Variants in SLC25A13 observed in about 807,000 individuals in gnomAD.
SLC25A13 encodes the protein solute carrier family 25 member 13, also known as electrogenic aspartate/glutamate antiporter SLC25A13, mitochondrial.
In SLC25A13, 70 loss-of-function variants were observed where a neutral mutation model predicts 85.5. The observed-to-expected ratio is 0.82, with a 90% CI of 0.68 to 1.00. The LOEUF (loss-of-function observed/expected upper bound fraction) is 1.00, where lower values mean the gene tolerates loss of function less well. SLC25A13 is among the 50% of genes least tolerant of loss of function. The pLI is 0.00. For missense variants in SLC25A13, 765 were observed against 819.8 expected (o/e 0.93, Z 0.82); for synonymous variants, 259 against 288.7 (o/e 0.90, Z 1.04).
intron 2 of SLC25A13, among the ~76,000 whole-genome samples, chr7:96,284,830 T>G (rs557419416): frequency 5.6e-4 from 85 of 152,356 alleles, no homozygotes; most frequent in Non-Finnish European, 9.7e-4. Flanking sequence ...CATGTGGAAC[T>G]GTGAGTCAAT....
chr7:96,169,643 C>A (rs898663304), intron 13 of SLC25A13, among the ~76,000 whole-genome samples: 2 of 152,150 alleles, frequency 1.3e-5, no homozygotes, highest in African/African-American at 4.8e-5. Context: ...CAAAGCCAAG[C>A]AGAGAGCTAC....
intron 14 of SLC25A13, among the ~76,000 whole-genome samples, chr7:96,139,762 T>A (rs1458960042): frequency 6.6e-6 from 1 of 152,192 alleles, no homozygotes; most frequent in Non-Finnish European, 1.5e-5. Context: ...TAATATAATG[T>A]CTTCCAGACT....
In SLC25A13 at chr7:96,171,610, T is replaced by TA. The variant is rs1174050163; in HGVS notation, c.1178-87dup. ...CAGTTCTACAGAGGGGATTACCACT[T>TA]AAAAACTGCTTAATCTCTGCTGCAA... On this transcript the variant is annotated intron_variant, in intron 11 of 17. Coordinates refer to ENST00000265631, the MANE Select transcript of SLC25A13 (RefSeq NM_014251.3). The TA allele has an allele frequency of 1.1e-5, 13 of 1,133,150 alleles. No homozygotes were observed. The Admixed American group carries it at 2.0e-4, about 18-fold the overall frequency. The allele number at this position is 1,133,150 out of a possible 1,614,324, so 70.2% of individuals were successfully genotyped here. A position where few individuals can be genotyped will look rare whatever the true frequency, so the allele number is the denominator to read the frequency against.
At chr7:96,280,545 A>G (rs912226874) in intron 2 of SLC25A13, among the ~76,000 whole-genome samples, 1 of 152,046 alleles carries the variant, frequency 6.6e-6, no homozygotes, top group Non-Finnish European at 1.5e-5. Context: ...GCGGAACTCC[A>G]TCTCTACAAA....
At chr7:96,238,453 AAACT>A (rs146116818) in intron 3 of SLC25A13, among the ~76,000 whole-genome samples, 1,929 of 152,026 alleles carry the variant, frequency 0.013, 42 homozygotes, top group African/African-American at 0.045. Flanking sequence ...CAGCCTGAGG[AAACT>A]AATATAGAGG....
At chr7:96,319,795 G>A (rs775857348) in intron 1 of SLC25A13, among the ~76,000 whole-genome samples, 1 of 151,984 alleles carries the variant, frequency 6.6e-6, no homozygotes, top group Non-Finnish European at 1.5e-5. Flanking sequence ...TATGATGTGA[G>A]CCATCAGATA....
chr7:96,256,278 T>A (rs1289710873), intron 3 of SLC25A13, among the ~76,000 whole-genome samples: 1 of 151,912 alleles, frequency 6.6e-6, no homozygotes, highest in East Asian at 1.9e-4. Context: ...GACTGGCAAA[T>A]GGGATAAAGA....
chr7:96,250,782 G>A (rs906798494), intron 3 of SLC25A13, among the ~76,000 whole-genome samples: 1 of 146,606 alleles, frequency 6.8e-6, no homozygotes, highest in African/African-American at 2.5e-5. Context: ...CAGTGGTCCT[G>A]GGAGAAAAAT....
At chr7:96,301,484 A>T (rs2117004918) in intron 1 of SLC25A13, among the ~76,000 whole-genome samples, 1 of 152,322 alleles carries the variant, frequency 6.6e-6, no homozygotes, top group East Asian at 1.9e-4. Flanking sequence ...GTTTTCAAAC[A>T]TACAGAGTAA....
rs145910102 is a variant in SLC25A13 at position 96,317,331 on chromosome 7, A to C, written c.15+4611T>G. On this transcript the variant is annotated intron_variant, in intron 1 of 17. Coordinates refer to ENST00000265631, the MANE Select transcript of SLC25A13 (RefSeq NM_014251.3). ...TATCTCAGAGCCTTCATCTATAAAA[A>C]AAGGATGATAGTAACTAACTCAAAA... 3.4e-3 allele frequency among the ~76,000 whole-genome samples: 514 copies of C among 152,294 alleles called. 5 individuals are homozygous for C. The highest frequency in any genetic ancestry group is 0.012 in the African/African-American group (484 of 41,550).
chr7:96,157,237 T>C (rs1562801640), intron 13 of SLC25A13, among the ~76,000 whole-genome samples: 1 of 152,134 alleles, frequency 6.6e-6, no homozygotes, highest in African/African-American at 2.4e-5. Flanking sequence ...TTTTTTTTCA[T>C]GTGAAATGGT....
Position 96,132,998 on chromosome 7 carries a change from T to A in SLC25A13, c.1453-1117A>T, listed in dbSNP as rs1470236398. Among the ~76,000 whole-genome samples the A allele has an allele frequency of 2.0e-5, 3 of 152,322 alleles. No individual in the cohort carries two copies. The East Asian group carries it at 5.8e-4, about 29-fold the overall frequency. On this transcript the variant is annotated intron_variant, in intron 14 of 17. Coordinates refer to ENST00000265631, the MANE Select transcript of SLC25A13 (RefSeq NM_014251.3). ...CTTGTGGGTAATAAAACCCTTAGTCTTTTTCATATGAATTACTATTAACTC... is the reference window on the plus strand; with the variant it reads ...CTTGTGGGTAATAAAACCCTTAGTCATTTTCATATGAATTACTATTAACTC...
In SLC25A13 at chr7:96,313,229, G is replaced by A. The variant is rs1220893520; in HGVS notation, c.15+8713C>T. Among the ~76,000 whole-genome samples, 4 of 152,168 alleles carry A rather than the reference G, an allele frequency of 2.6e-5. No homozygotes were observed. The East Asian group carries it at 5.8e-4, about 22-fold the overall frequency. On this transcript the variant is annotated intron_variant, in intron 1 of 17. Transcript: ENST00000265631. ...TACCCATTAAGGGGGCAGGTAGTGC[G>A]GCAGGAACTGGAGGGAGGAGACAAT... is the stretch of plus-strand genomic sequence containing the variant.
Position 96,147,367 on chromosome 7 carries a change from G to A in SLC25A13, c.1312-671C>T, listed in dbSNP as rs116235691. Among the ~76,000 whole-genome samples, 930 of 152,210 alleles carry A rather than the reference G, an allele frequency of 6.1e-3. 12 individuals carry two copies. The highest frequency in any genetic ancestry group is 0.021 in the African/African-American group (879 of 41,526). On this transcript the variant is annotated intron_variant, in intron 13 of 17. Transcript: ENST00000265631. Reference sequence around the variant, plus strand: ...CATATGAGATAAGTGGTATATGAAAGTAGCAAAAATATGCACTAAGTCAAT... The same window carrying A: ...CATATGAGATAAGTGGTATATGAAAATAGCAAAAATATGCACTAAGTCAAT...
In SLC25A13 at chr7:96,121,981, A is replaced by G. The variant is rs768148130; in HGVS notation, c.1608T>C (p.Ser536=). ...TGATAACATCAGCAGGGGTCACTAA[A>G]GATGCTGCAGGCATACCTGCAGGAG... ...AGAIAGMPAA[S]LVTPADVIKT... The change falls in exon 16 of 18, where the codon TCT becomes TCC. Residue 536 remains serine, a synonymous_variant. Transcript: ENST00000265631. The G allele has an allele frequency of 6.2e-7, 1 of 1,614,204 alleles. No homozygotes were observed. The highest frequency in any genetic ancestry group is 1.1e-5 in the South Asian group (1 of 91,078).
chr7:96,163,511 A>G (rs768910388), intron 13 of SLC25A13, among the ~76,000 whole-genome samples: 5 of 152,172 alleles, frequency 3.3e-5, no homozygotes, highest in Non-Finnish European at 7.3e-5. Context: ...AGAGAATAAT[A>G]ATAAGTATCT....
chr7:96,268,436 A>G (rs575834998), intron 3 of SLC25A13, among the ~76,000 whole-genome samples: 85 of 152,326 alleles, frequency 5.6e-4, no homozygotes, highest in African/African-American at 1.8e-3. Flanking sequence ...GGCCCTGAGA[A>G]GTCCTTAGAG....
Position 96,220,610 on chromosome 7 carries a change from T to TA in SLC25A13, c.329-11634dup, listed in dbSNP as rs552083095. On this transcript the variant is annotated intron_variant, in intron 4 of 17. Transcript: ENST00000265631. ...CTCTTATACCAGAAGAAGAATGGTA[T>TA]AATTTTCCTATCTTTAAATAAGCAG... Among the ~76,000 whole-genome samples the TA allele has an allele frequency of 1.4e-4, 22 of 152,340 alleles. No homozygotes were observed. The East Asian group carries it at 3.1e-3, about 21-fold the overall frequency.
intron 13 of SLC25A13, among the ~76,000 whole-genome samples, chr7:96,147,324 G>A (rs1434483736): frequency 6.6e-6 from 1 of 152,064 alleles, no homozygotes; most frequent in Non-Finnish European, 1.5e-5. Context: ...TATTACTTGT[G>A]TACAGAATTG....
Sources: allele counts gnomAD v4.1 joint callset (sites outside exome capture counted in the v4.1 genomes callset), GRCh38; gene constraint gnomAD v4.1.1; transcripts MANE v1.5; gene names NCBI Gene and HGNC (gene_info 2026-07-23, HGNC 2026-07-21).